The following ADAR variants were observed in gnomAD, a reference collection of about 807,000 sequenced individuals.
ADAR encodes the protein double-stranded RNA-specific adenosine deaminase.
ADAR carries 41 observed loss-of-function variants against 113.2 expected under a neutral mutation model. That is an observed-to-expected ratio of 0.36 (90% confidence interval 0.28 to 0.47). The LOEUF is 0.47. ADAR is among the 20% of genes least tolerant of loss of function. The probability of loss-of-function intolerance (pLI) is 1.00; values close to 1 mark genes in which losing one functional copy is unlikely to be tolerated. For synonymous variants in ADAR, 605 were observed against 572.6 expected (o/e 1.06, Z -0.81); for missense variants, 1,242 against 1,540.9 (o/e 0.81, Z 3.25).
chr1:154,599,496 T>G (rs1332150291), intron 2 of ADAR, among the ~76,000 whole-genome samples: 4 of 152,178 alleles, frequency 2.6e-5, no homozygotes, highest in Non-Finnish European at 4.4e-5. Context: ...CCTTGCCAGC[T>G]TTTGGACAGA....
chr1:154,610,808 CAAAAAAAAAAAAAAAGAA>C (rs1373573940), upstream of ADAR, among the ~76,000 whole-genome samples: 5 of 40,530 alleles, frequency 1.2e-4, no homozygotes, highest in Non-Finnish European at 1.3e-4. Context: ...GACACCGTCT[CAAAAAAAAAAAAAAAGAA>C]AAAAAAAAAA....
rs570176840 is a variant in ADAR, at chr1:154,602,477, C to A, written c.165G>T (p.Pro55=). The part of the protein sequence containing the change: ...EFLKGQLPEA[P]VIGKQTPSLP... Reference sequence around the variant, plus strand: ...GTGACGGTGTCTGCTTTCCAATCACCGGTGCTTCTGGGAGCTGCCCCTTGA... The same window carrying A: ...GTGACGGTGTCTGCTTTCCAATCACAGGTGCTTCTGGGAGCTGCCCCTTGA... Residue 55 remains proline (P), a synonymous_variant, in exon 2 of 15, where the codon CCG becomes CCT. Coordinates refer to ENST00000368474, the MANE Select transcript of ADAR (RefSeq NM_001111.5). 4.3e-6 allele frequency: 7 copies of A among 1,613,932 alleles called. No homozygotes were observed. Among genetic ancestry groups the A allele is most frequent in the Non-Finnish European group, 5.1e-6 (6 of 1,179,956 alleles).
At chr1:154,603,000 T>C (rs567061877) in intron 1 of ADAR, among the ~76,000 whole-genome samples, 4 of 152,322 alleles carry the variant, frequency 2.6e-5, no homozygotes, top group Admixed American at 2.0e-4. Context: ...AACAAATATA[T>C]GTTATTGTTT....
intron 1 of ADAR, among the ~76,000 whole-genome samples, chr1:154,613,605 C>T (rs1165275712): frequency 1.3e-5 from 2 of 151,964 alleles, no homozygotes; most frequent in Non-Finnish European, 2.9e-5. Context: ...TTTGAAGTTA[C>T]AAGAAAGCAA....
At position 154,602,078 on chromosome 1, in the gene ADAR, C is replaced by T; in HGVS notation, c.564G>A (p.Glu188=). Residue 188 remains glutamate, a synonymous_variant, in exon 2 of 15, where the codon GAG becomes GAA. Coordinates refer to ENST00000368474, the MANE Select transcript of ADAR (RefSeq NM_001111.5). ...SLAKKGKLQK[E]AGTPPLWKIA... ...TTTTCCACAAAGGGGGTGTTCCTGC[C>T]TCTTTCTGTAGCTTGCCCTTCTTTG... 6.2e-7 allele frequency: 1 copy of T among 1,614,214 alleles called. No homozygotes were observed. Among genetic ancestry groups the T allele is most frequent in the South Asian group, 1.1e-5 (1 of 91,088 alleles).
chr1:154,614,751 T>C, intron 1 of ADAR, among the ~76,000 whole-genome samples: 1 of 152,246 alleles, frequency 6.6e-6, no homozygotes, highest in East Asian at 1.9e-4. Context: ...AGAGGAAATA[T>C]GCTCTGCTGT....
Position 154,601,743 on chromosome 1 carries a change from T to C in ADAR, c.899A>G (p.Lys300Arg). ...PLEFLDMAEI[K>R]EKICDYLFNV... ...GAAGAGATAGTCGCAGATTTTCTCC[T>C]TGATCTCGGCCATGTCTAAAAACTC... Residue 300 changes from lysine (K) to arginine (R), a missense_variant, in exon 2 of 15, where the codon AAG (lysine) becomes AGG (arginine). By Grantham distance (26) the Lys-to-Arg change is conservative. This residue lies in a region of ADAR where 462 missense variants were observed against 483.1 expected (regional missense o/e 0.96). Transcript: ENST00000368474. The surrounding 1 kb of genome is among the most constrained non-coding windows in gnomAD (Gnocchi z 4.7). 1.2e-6 allele frequency: 2 copies of C among 1,614,222 alleles called. No homozygotes were observed. Among genetic ancestry groups the C allele is most frequent in the East Asian group, 4.5e-5 (2 of 44,888 alleles).
At position 154,588,114 on chromosome 1, in the gene ADAR, G is replaced by A; in HGVS notation, c.3019+11C>T. ...TTTTGAGGAAAGGAGGCGGGGGCAT[G>A]TATCACTCACCGTTCTCCACCTTGG... On this transcript the variant is annotated intron_variant, in intron 11 of 14. Coordinates refer to ENST00000368474, the MANE Select transcript of ADAR (RefSeq NM_001111.5). The A allele has an allele frequency of 6.2e-7, 1 of 1,613,406 alleles. No individual in the cohort carries two copies. The highest frequency in any genetic ancestry group is 1.1e-5 in the South Asian group (1 of 91,050).
intron 4 of ADAR, 57 bp downstream of exon 4, chr1:154,597,771 G>T: frequency 6.2e-7 from 1 of 1,609,188 alleles, no homozygotes; most frequent in Non-Finnish European, 8.5e-7. Flanking sequence ...GGAAGAAAAT[G>T]TGTCTCTTTT....
chr1:154,609,571 T>C (rs1424934413), upstream of ADAR, among the ~76,000 whole-genome samples: 3 of 152,186 alleles, frequency 2.0e-5, no homozygotes, highest in African/African-American at 7.2e-5. Context: ...TTCCCGTGAA[T>C]CAACCTTTCA....
At position 154,586,182 on chromosome 1, in the gene ADAR, C is replaced by T. The variant is rs750105086; in HGVS notation, c.3201G>A (p.Leu1067=). ...LQPIYLKSVT[L]GYLFSQGHLT... The stretch of plus-strand genomic sequence containing the variant: ...CAGATCCCAAGGCAGGCCCCTTACC[C>T]AATGTGACAGATTTGAGATAAATGG... Residue 1067 remains leucine (L), a splice_region_variant and synonymous_variant, in exon 12 of 15, where the codon TTG becomes TTA. Coordinates refer to ENST00000368474, the MANE Select transcript of ADAR (RefSeq NM_001111.5). 3.1e-5 allele frequency: 50 copies of T among 1,613,958 alleles called. No homozygotes were observed. The highest frequency in any genetic ancestry group is 4.2e-5 in the Non-Finnish European group (50 of 1,180,044).
At position 154,601,449 on chromosome 1, in the gene ADAR, T is replaced by C. The variant is rs377403420; in HGVS notation, c.1193A>G (p.Asn398Ser). ...TGTGGTTACCATGTTATTTGAGGCATTTGATGTGGGTATATTACAGGTGAG... is the reference window on the plus strand; with the variant it reads ...TGTGGTTACCATGTTATTTGAGGCACTTGATGTGGGTATATTACAGGTGAG... The part of the protein sequence containing the change: ...EFLTCNIPTS[N>S]ASNNMVTTEK... The change falls in exon 2 of 15, where the codon AAT becomes AGT. Residue 398 changes from asparagine to serine, a missense_variant. Transcript: ENST00000368474. This position sits in a 1 kb window ranked among gnomAD's most constrained non-coding sequence, Gnocchi z 4.7. 1.2e-6 allele frequency: 2 copies of C among 1,614,064 alleles called. No homozygotes were observed. The highest frequency in any genetic ancestry group is 2.7e-5 in the African/African-American group (2 of 74,910).
intron 6 of ADAR, among the ~76,000 whole-genome samples, chr1:154,595,626 G>C (rs1002623866): frequency 2.7e-4 from 41 of 151,756 alleles, no homozygotes; most frequent in African/African-American, 9.7e-4. Context: ...ATTACAAAAG[G>C]AACAAAAAAT....
chr1:154,598,333 C>T, intron 3 of ADAR, 69 bp downstream of exon 3: 1 of 1,548,064 alleles, frequency 6.5e-7, no homozygotes, highest in South Asian at 1.1e-5. Flanking sequence ...GGGATTGCCT[C>T]AAGGGAGTCA....
At chr1:154,589,683 G>A (rs1324178659) in intron 8 of ADAR, 74 bp downstream of exon 8, 7 of 1,567,952 alleles carry the variant, frequency 4.5e-6, no homozygotes, top group Admixed American at 3.4e-5. Flanking sequence ...TTACATGCAT[G>A]GACTCCAGGG....
At chr1:154,588,078 C>G in intron 11 of ADAR, 47 bp downstream of exon 11, 1 of 1,611,100 alleles carries the variant, frequency 6.2e-7, no homozygotes, top group South Asian at 1.1e-5. Flanking sequence ...GTCCCTGGAC[C>G]TTGCAGAGCC....
chr1:154,597,779 T>C lies in ADAR; in HGVS notation c.1934+49A>G, dbSNP rs774281996. On this transcript the variant is annotated intron_variant, in intron 4 of 14. Coordinates refer to ENST00000368474, the MANE Select transcript of ADAR (RefSeq NM_001111.5). ...GAGGCAAGGAAGAAAATGTGTCTCTTTTTCTTTCTGAGAAAACCTCAGCTG... is the reference window on the plus strand; with the variant it reads ...GAGGCAAGGAAGAAAATGTGTCTCTCTTTCTTTCTGAGAAAACCTCAGCTG... The C allele has an allele frequency of 1.9e-6, 3 of 1,612,514 alleles. No homozygotes were observed. In the Admixed American group the frequency reaches 5.0e-5, roughly 27 times the overall value.
chr1:154,626,119 T>C (rs891852395), intron 1 of ADAR, among the ~76,000 whole-genome samples: 1 of 80,900 alleles, frequency 1.2e-5, no homozygotes, highest in Non-Finnish European at 2.6e-5. Context: ...ATTAATAAAG[T>C]GAGTTTTTTT....
chr1:154,587,060 G>A (rs1482472416), intron 11 of ADAR, among the ~76,000 whole-genome samples: 2 of 152,156 alleles, frequency 1.3e-5, no homozygotes, highest in East Asian at 1.9e-4. Context: ...ACAGAGTTCT[G>A]CAACTGTCAC....
Sources: allele counts gnomAD v4.1 joint callset (sites outside exome capture counted in the v4.1 genomes callset), GRCh38; gene constraint gnomAD v4.1.1; regional missense constraint gnomAD v4.1.1; non-coding constraint Gnocchi (gnomAD v3.1); transcripts MANE v1.5; gene names NCBI Gene and HGNC (gene_info 2026-07-23, HGNC 2026-07-21).